The following SLC10A7 variants were observed in gnomAD, a reference collection of about 807,000 sequenced individuals.
The protein encoded by SLC10A7 is solute carrier family 10 member 7.
SLC10A7 carries 29 observed loss-of-function variants against 43.2 expected under a neutral mutation model. The observed-to-expected ratio is 0.67, with a 90% CI of 0.50 to 0.92. SLC10A7 has a LOEUF of 0.92. SLC10A7 is among the 40% of genes least tolerant of loss of function. The pLI is 0.00. For synonymous variants in SLC10A7, 152 were observed against 144.8 expected, an observed-to-expected ratio of 1.05 and a Z score of -0.35; for missense variants, 295 against 403.2, an observed-to-expected ratio of 0.73 and a Z score of 2.30.
chr4:146,306,956 C>T (rs533490498), intron 6 of SLC10A7, among the ~76,000 whole-genome samples: 72 of 152,242 alleles, frequency 4.7e-4, no homozygotes, highest in African/African-American at 1.7e-3. Flanking sequence ...TTTAGTTACA[C>T]TTGGAAATAT....
intron 10 of SLC10A7, among the ~76,000 whole-genome samples, chr4:146,267,298 A>G (rs1416092580): frequency 6.6e-6 from 1 of 152,150 alleles, no homozygotes; most frequent in Non-Finnish European, 1.5e-5. Flanking sequence ...ACTAGCCTAC[A>G]GTGTGGCTTT....
chr4:146,325,186 G>A (rs1222351060), intron 6 of SLC10A7, among the ~76,000 whole-genome samples: 3 of 152,190 alleles, frequency 2.0e-5, no homozygotes, highest in African/African-American at 7.2e-5. Context: ...CTACATTTCA[G>A]TGATAAGCAG....
At chr4:146,336,729 G>A (rs1189570585) in intron 5 of SLC10A7, among the ~76,000 whole-genome samples, 1 of 152,020 alleles carries the variant, frequency 6.6e-6, no homozygotes, top group Non-Finnish European at 1.5e-5. Flanking sequence ...TGGAAGCAAA[G>A]GGATGGAGAT....
At chr4:146,506,443 A>C (rs1466664914) in intron 3 of SLC10A7, among the ~76,000 whole-genome samples, 1 of 152,180 alleles carries the variant, frequency 6.6e-6, no homozygotes, top group Non-Finnish European at 1.5e-5. Context: ...TGCCTCCTCA[A>C]GATACAATCC....
chr4:146,330,325 G>T (rs2149712591), intron 5 of SLC10A7, among the ~76,000 whole-genome samples: 1 of 152,276 alleles, frequency 6.6e-6, no homozygotes, highest in Middle Eastern at 3.4e-3. Flanking sequence ...TGAAATTTTT[G>T]AAATAGAAAA....
chr4:146,407,074 G>T (rs964372030), intron 5 of SLC10A7, among the ~76,000 whole-genome samples: 1 of 152,086 alleles, frequency 6.6e-6, no homozygotes, highest in African/African-American at 2.4e-5. Context: ...TTAGTGATGG[G>T]ATCTTTCCTA....
intron 5 of SLC10A7, among the ~76,000 whole-genome samples, chr4:146,335,077 G>A (rs1268749564): frequency 1.3e-5 from 2 of 151,830 alleles, no homozygotes; most frequent in African/African-American, 4.8e-5. Context: ...GAGCTATGAC[G>A]ATGTGGATGG....
chr4:146,406,165 T>G, intron 5 of SLC10A7, among the ~76,000 whole-genome samples: 1 of 152,166 alleles, frequency 6.6e-6, no homozygotes, highest in East Asian at 1.9e-4. Flanking sequence ...CATTGAAAAT[T>G]AAATAAAAGC....
At chr4:146,483,172 AT>A (rs1486050557) in intron 4 of SLC10A7, among the ~76,000 whole-genome samples, 1 of 152,196 alleles carries the variant, frequency 6.6e-6, no homozygotes, top group Non-Finnish European at 1.5e-5. Flanking sequence ...GTAGAGGTAA[AT>A]ATATAAACAA....
rs189772807 is a variant in SLC10A7 at position 146,432,536 on chromosome 4, G to T, written c.435+10247C>A. Among the ~76,000 whole-genome samples the T allele has an allele frequency of 1.5e-3, 231 of 152,112 alleles. 2 individuals carry two copies. Among genetic ancestry groups the T allele is most frequent in the African/African-American group, 5.3e-3 (221 of 41,494 alleles). On this transcript the variant is annotated intron_variant, in intron 5 of 11. Coordinates refer to ENST00000335472, the MANE Select transcript of SLC10A7 (RefSeq NM_001029998.6). ...GTGATTCCATTTAGATGACTTTCTAGAAAAAGGCAAAAGTATAGAGAAAGG... is the reference window on the plus strand; with the variant it reads ...GTGATTCCATTTAGATGACTTTCTATAAAAAGGCAAAAGTATAGAGAAAGG...
intron 4 of SLC10A7, among the ~76,000 whole-genome samples, chr4:146,458,230 A>C (rs1238577366): frequency 6.6e-6 from 1 of 151,864 alleles, no homozygotes; most frequent in African/African-American, 2.4e-5. Context: ...AAAAAAACAT[A>C]TAATCATTTC....
intron 5 of SLC10A7, among the ~76,000 whole-genome samples, chr4:146,441,489 T>C (rs994161638): frequency 1.3e-5 from 2 of 152,188 alleles, no homozygotes; most frequent in Non-Finnish European, 2.9e-5. Context: ...AAGAAGATGT[T>C]TTGATAGTGG....
Position 146,380,034 on chromosome 4 carries a change from G to T in SLC10A7, c.436-54038C>A, listed in dbSNP as rs144428991. Among the ~76,000 whole-genome samples, 21 of 151,842 alleles carry T rather than the reference G, an allele frequency of 1.4e-4. No homozygotes were observed. The East Asian group carries it at 3.5e-3, about 25-fold the overall frequency. ...AAGCAAGCAAGAGAGCTGAGCTTCT[G>T]TCTCTTAGAAAGCAGTCTGAGGAAA... On this transcript the variant is annotated intron_variant, in intron 5 of 11. Coordinates refer to ENST00000335472, the MANE Select transcript of SLC10A7 (RefSeq NM_001029998.6).
chr4:146,495,753 G>A (rs1024486782), intron 4 of SLC10A7, among the ~76,000 whole-genome samples: 4 of 138,620 alleles, frequency 2.9e-5, no homozygotes, highest in East Asian at 2.2e-4. Flanking sequence ...CACCAGCCCC[G>A]TTGATGAAAG....
In SLC10A7 at chr4:146,428,046, G is replaced by A. The variant is rs572167487; in HGVS notation, c.435+14737C>T. Among the ~76,000 whole-genome samples the A allele has an allele frequency of 3.3e-5, 5 of 152,050 alleles. No homozygotes were observed. In the East Asian group the frequency reaches 7.8e-4, roughly 24 times the overall value. ...AAAAAAATTAGCTGGGCATGGTGGC[G>A]CATGCCTGTAGTCCCAGCTACTTGA... On this transcript the variant is annotated intron_variant, in intron 5 of 11. Transcript: ENST00000335472.
chr4:146,306,995 C>T (rs1421849942), intron 6 of SLC10A7, among the ~76,000 whole-genome samples: 1 of 152,040 alleles, frequency 6.6e-6, no homozygotes, highest in African/African-American at 2.4e-5. Flanking sequence ...TGTGAAAGGA[C>T]ATGGAGGTAA....
At chr4:146,343,612 G>A (rs72950682) in intron 5 of SLC10A7, among the ~76,000 whole-genome samples, 1,657 of 152,050 alleles carry the variant, frequency 0.011, 25 homozygotes, top group African/African-American at 0.037. Context: ...AGCATTACTC[G>A]TCCATGATGA....
intron 10 of SLC10A7, among the ~76,000 whole-genome samples, chr4:146,261,739 C>A (rs1728236795): frequency 6.6e-6 from 1 of 152,196 alleles, no homozygotes; most frequent in Admixed American, 6.5e-5. Flanking sequence ...CTATCTCTAC[C>A]CCCACAAGTG....
chr4:146,299,921 G>C (rs997648157), intron 7 of SLC10A7, among the ~76,000 whole-genome samples: 1 of 152,170 alleles, frequency 6.6e-6, no homozygotes, highest in African/African-American at 2.4e-5. Context: ...GAAGCTGAGA[G>C]CTCTGCCAGG....
Sources: allele counts gnomAD v4.1 joint callset (sites outside exome capture counted in the v4.1 genomes callset), GRCh38; gene constraint gnomAD v4.1.1; transcripts MANE v1.5; gene names NCBI Gene and HGNC (gene_info 2026-07-23, HGNC 2026-07-21).